MOB3B: variants seen among roughly 807,000 people sequenced by gnomAD.
MOB3B encodes the protein MOB kinase activator 3B.
A neutral mutation model predicts 18.7 loss-of-function variants in MOB3B; 7 were observed. The observed-to-expected ratio is 0.37, with a 90% CI of 0.21 to 0.70. MOB3B has a LOEUF of 0.70. MOB3B is among the 30% of genes least tolerant of loss of function. The pLI, the probability that MOB3B is intolerant of heterozygous loss-of-function variation, is 0.52. For synonymous variants in MOB3B, 111 were observed against 99.9 expected (o/e 1.11, Z -0.66); for missense variants, 253 against 281.3 (o/e 0.90, Z 0.72).
At chr9:27,524,940 G>T in intron 1 of MOB3B, 1 of 1,598,510 alleles carries the variant, frequency 6.3e-7, no homozygotes. Flanking sequence ...CAAATTTACA[G>T]CTCTATTCAG....
At chr9:27,482,056 A>G (rs973292628) in intron 1 of MOB3B, among the ~76,000 whole-genome samples, 2 of 152,216 alleles carry the variant, frequency 1.3e-5, no homozygotes, top group Admixed American at 1.3e-4. Flanking sequence ...AAGCACGGTA[A>G]ATAAAATGCA....
intron 1 of MOB3B, chr9:27,524,905 T>C: frequency 1.9e-6 from 3 of 1,611,242 alleles, no homozygotes; most frequent in Non-Finnish European, 2.5e-6. Flanking sequence ...CGAGTGGAAA[T>C]CAGAAGATGT....
At chr9:27,478,029 G>A (rs967999123) in intron 1 of MOB3B, among the ~76,000 whole-genome samples, 3 of 152,082 alleles carry the variant, frequency 2.0e-5, no homozygotes, top group African/African-American at 7.2e-5. Flanking sequence ...TTGTGCTCCA[G>A]TATCAGGGTG....
At chr9:27,505,788 C>T (rs916715975) in intron 1 of MOB3B, among the ~76,000 whole-genome samples, 6 of 152,216 alleles carry the variant, frequency 3.9e-5, no homozygotes, top group African/African-American at 7.2e-5. Context: ...TTGACTCACA[C>T]GTGCAAAGTA....
At chr9:27,449,673 A>G (rs1054848522) in intron 2 of MOB3B, among the ~76,000 whole-genome samples, 3 of 152,190 alleles carry the variant, frequency 2.0e-5, no homozygotes, top group Admixed American at 1.3e-4. Context: ...TGAGAGACAT[A>G]CAATAGAAAA....
intron 1 of MOB3B, among the ~76,000 whole-genome samples, chr9:27,520,407 T>G (rs1820306077): frequency 6.6e-6 from 1 of 152,234 alleles, no homozygotes; most frequent in African/African-American, 2.4e-5. Flanking sequence ...TGTCAGTGCA[T>G]AGCCTACTGA....
intron 1 of MOB3B, among the ~76,000 whole-genome samples, chr9:27,527,011 G>A (rs994639317): frequency 6.6e-6 from 1 of 151,830 alleles, no homozygotes; most frequent in African/African-American, 2.4e-5. Flanking sequence ...CACGTCTTCC[G>A]AAATTTATTC....
chr9:27,420,061 A>G (rs755489522), intron 2 of MOB3B, among the ~76,000 whole-genome samples: 4 of 152,196 alleles, frequency 2.6e-5, no homozygotes, highest in Admixed American at 1.3e-4. Flanking sequence ...AAAATGTTCA[A>G]CATCACTAAT....
chr9:27,392,512 C>A (rs1821740458), intron 2 of MOB3B, among the ~76,000 whole-genome samples: 1 of 152,112 alleles, frequency 6.6e-6, no homozygotes, highest in Admixed American at 6.6e-5. Flanking sequence ...TTAAAAAAGT[C>A]TCACTAACTC....
In MOB3B at chr9:27,330,617, C is replaced by A. The variant is rs1820772403; in HGVS notation, c.622-1G>T. The A allele has an allele frequency of 6.2e-7, 1 of 1,613,914 alleles. No individual in the cohort carries two copies. Among genetic ancestry groups the A allele is most frequent in the Non-Finnish European group, 8.5e-7 (1 of 1,179,982 alleles). The stretch of plus-strand genomic sequence containing the variant: ...GACACATCCTGCTCGTCATTTCTTT[C>A]TGGAAAGCAAGGGGAAAAGGATGGT... On this transcript the variant is annotated splice_acceptor_variant, in intron 3 of 3. Coordinates refer to ENST00000262244, the MANE Select transcript of MOB3B (RefSeq NM_024761.5). LOFTEE classifies it high-confidence loss of function.
chr9:27,474,960 T>C (rs924329129), intron 1 of MOB3B, among the ~76,000 whole-genome samples: 3 of 152,192 alleles, frequency 2.0e-5, no homozygotes, highest in African/African-American at 7.2e-5. Context: ...AATGCTCTGA[T>C]TGAGTGAAGG....
chr9:27,464,769 T>A (rs1000415140), intron 1 of MOB3B, among the ~76,000 whole-genome samples: 5 of 152,076 alleles, frequency 3.3e-5, no homozygotes, highest in Non-Finnish European at 5.9e-5. Flanking sequence ...AAGACACTTC[T>A]TACATGGCAG....
At chr9:27,451,397 A>C (rs1822780012) in intron 2 of MOB3B, among the ~76,000 whole-genome samples, 1 of 152,200 alleles carries the variant, frequency 6.6e-6, no homozygotes, top group Non-Finnish European at 1.5e-5. Flanking sequence ...AAGGGAAACT[A>C]TGGTTTACAA....
chr9:27,455,955 G>C (rs775800123), intron 1 of MOB3B, among the ~76,000 whole-genome samples: 4 of 152,168 alleles, frequency 2.6e-5, no homozygotes, highest in African/African-American at 4.8e-5. Flanking sequence ...CATCACACTT[G>C]TTTTGTTCAT....
At chr9:27,398,116 T>G (rs563679724) in intron 2 of MOB3B, among the ~76,000 whole-genome samples, 3 of 152,294 alleles carry the variant, frequency 2.0e-5, no homozygotes, top group East Asian at 3.9e-4. Flanking sequence ...TAAAGCAAAT[T>G]TACCTTTAAT....
At chr9:27,517,371 G>C (rs1820251490) in intron 1 of MOB3B, among the ~76,000 whole-genome samples, 1 of 152,038 alleles carries the variant, frequency 6.6e-6, no homozygotes, top group East Asian at 1.9e-4. Flanking sequence ...GGTAGAATTG[G>C]CTGGGTGTGG....
intron 2 of MOB3B, among the ~76,000 whole-genome samples, chr9:27,437,022 G>C (rs370875233): frequency 6.6e-6 from 1 of 151,618 alleles, no homozygotes; most frequent in Non-Finnish European, 1.5e-5. Flanking sequence ...GGTGGGGGGA[G>C]TGTGTTTTGA....
At chr9:27,493,194 G>A (rs1819846231) in intron 1 of MOB3B, among the ~76,000 whole-genome samples, 1 of 152,182 alleles carries the variant, frequency 6.6e-6, no homozygotes, top group Admixed American at 6.5e-5. Flanking sequence ...CTGGAGTGTT[G>A]TGGGAAGTCA....
intron 3 of MOB3B, among the ~76,000 whole-genome samples, chr9:27,338,938 G>T (rs1436146155): frequency 6.6e-6 from 1 of 152,234 alleles, no homozygotes; most frequent in Non-Finnish European, 1.5e-5. Flanking sequence ...TTTCTAAGGA[G>T]CCCTCAGTTG....
Sources: allele counts gnomAD v4.1 joint callset (sites outside exome capture counted in the v4.1 genomes callset), GRCh38; gene constraint gnomAD v4.1.1; transcripts MANE v1.5; gene names NCBI Gene and HGNC (gene_info 2026-07-23, HGNC 2026-07-21).